CNTNAP2: variants seen among roughly 807,000 people sequenced by gnomAD.
The protein encoded by CNTNAP2 is contactin associated protein 2.
CNTNAP2 carries 98 observed loss-of-function variants against 155.2 expected under a neutral mutation model. The ratio of observed to expected loss-of-function variants is 0.63; its 90% CI spans 0.54 to 0.75. CNTNAP2 has a LOEUF of 0.75. Among genes scored for constraint, CNTNAP2 ranks in the 30% least tolerant of loss-of-function variants. The pLI is 0.00. For synonymous variants in CNTNAP2, 651 were observed against 631.2 expected (o/e 1.03, Z -0.47); for missense variants, 1,727 against 1,688.1 (o/e 1.02, Z -0.40).
chr7:146,227,199 G>A (rs1799307585), intron 1 of CNTNAP2, among the ~76,000 whole-genome samples: 1 of 152,044 alleles, frequency 6.6e-6, no homozygotes, highest in African/African-American at 2.4e-5. Flanking sequence ...GCCAAGGAGG[G>A]TGGATCACTT....
intron 13 of CNTNAP2, among the ~76,000 whole-genome samples, chr7:147,805,602 G>GT (rs907685636): frequency 5.3e-5 from 8 of 152,102 alleles, no homozygotes; most frequent in Non-Finnish European, 8.8e-5. Flanking sequence ...ATGTTCTTTT[G>GT]TACCCTATTG....
At chr7:148,129,467 G>T (rs757009139) in intron 16 of CNTNAP2, among the ~76,000 whole-genome samples, 2 of 152,104 alleles carry the variant, frequency 1.3e-5, no homozygotes, top group Non-Finnish European at 2.9e-5. Context: ...GGTAGAAATA[G>T]TCTTTATCTT....
intron 1 of CNTNAP2, among the ~76,000 whole-genome samples, chr7:146,497,900 T>C (rs1234635988): frequency 8.4e-6 from 1 of 119,176 alleles, no homozygotes; most frequent in Non-Finnish European, 1.7e-5. Flanking sequence ...TATATGTTTA[T>C]TCAAACATAT....
chr7:146,789,607 A>T (rs1802635617), intron 2 of CNTNAP2, among the ~76,000 whole-genome samples: 1 of 151,766 alleles, frequency 6.6e-6, no homozygotes, highest in Non-Finnish European at 1.5e-5. Context: ...GGCAAAAAAA[A>T]AAAAGACAAA....
chr7:147,585,401 T>C (rs1055646738), intron 12 of CNTNAP2, among the ~76,000 whole-genome samples: 3 of 149,830 alleles, frequency 2.0e-5, no homozygotes, highest in Non-Finnish European at 4.4e-5. Context: ...TTTATATGTA[T>C]ATTTGATATA....
At chr7:146,138,715 T>C (rs1302728362) in intron 1 of CNTNAP2, among the ~76,000 whole-genome samples, 4 of 152,046 alleles carry the variant, frequency 2.6e-5, no homozygotes, top group African/African-American at 4.8e-5. Flanking sequence ...ATTTAGTTGA[T>C]ATCATGGGGA....
At chr7:146,438,469 C>T (rs895539877) in intron 1 of CNTNAP2, among the ~76,000 whole-genome samples, 4 of 151,148 alleles carry the variant, frequency 2.6e-5, no homozygotes, top group Admixed American at 6.6e-5. Context: ...CTATCTTTGC[C>T]CAAATATTAC....
In CNTNAP2 at chr7:147,226,148, C is replaced by T. The variant is rs193117342; in HGVS notation, c.1349-73993C>T. ...AGCATGTTAAGTTGCAAAGCCCAAA[C>T]GGCCTTATCTGATAAGGTGTCATTA... On this transcript the variant is annotated intron_variant, in intron 8 of 23. Coordinates refer to ENST00000361727, the MANE Select transcript of CNTNAP2 (RefSeq NM_014141.6). Among the ~76,000 whole-genome samples, 13 of 152,246 alleles carry T rather than the reference C, an allele frequency of 8.5e-5. No individual in the cohort carries two copies. In the East Asian group the frequency reaches 1.2e-3, roughly 14 times the overall value.
intron 3 of CNTNAP2, among the ~76,000 whole-genome samples, chr7:146,897,204 C>T (rs969158175): frequency 6.6e-6 from 1 of 152,114 alleles, no homozygotes; most frequent in Non-Finnish European, 1.5e-5. Flanking sequence ...TGAGATACTA[C>T]TCAGTGTCTA....
At chr7:148,283,984 G>A (rs1371780101) in intron 21 of CNTNAP2, among the ~76,000 whole-genome samples, 3 of 152,226 alleles carry the variant, frequency 2.0e-5, no homozygotes, top group Non-Finnish European at 4.4e-5. Context: ...CAATGTTTTA[G>A]TATTCACTAA....
chr7:146,272,350 C>T (rs529200102), intron 1 of CNTNAP2, among the ~76,000 whole-genome samples: 3 of 152,108 alleles, frequency 2.0e-5, no homozygotes, highest in East Asian at 1.9e-4. Flanking sequence ...TCCAATGGCA[C>T]GTGGGGATTA....
At chr7:148,299,503 T>C (rs1169624017) in intron 21 of CNTNAP2, among the ~76,000 whole-genome samples, 5 of 152,190 alleles carry the variant, frequency 3.3e-5, no homozygotes, top group Admixed American at 6.5e-5. Context: ...GCACCTCCAA[T>C]GACCACGTGT....
intron 4 of CNTNAP2, among the ~76,000 whole-genome samples, chr7:147,045,478 C>G (rs890264786): frequency 6.6e-6 from 1 of 152,094 alleles, no homozygotes; most frequent in Non-Finnish European, 1.5e-5. Flanking sequence ...TCATGGAGGT[C>G]ATTTAAAAAT....
chr7:148,128,723 A>G (rs1804765876), intron 16 of CNTNAP2, among the ~76,000 whole-genome samples: 1 of 152,140 alleles, frequency 6.6e-6, no homozygotes, highest in Non-Finnish European at 1.5e-5. Flanking sequence ...TTTAGAGTTT[A>G]CTGGTCCACT....
chr7:146,253,449 TG>T (rs1403116035), intron 1 of CNTNAP2, among the ~76,000 whole-genome samples: 1 of 152,262 alleles, frequency 6.6e-6, no homozygotes, highest in African/African-American at 2.4e-5. Context: ...AAAATGTCTT[TG>T]CTATACATGC....
intron 9 of CNTNAP2, among the ~76,000 whole-genome samples, chr7:147,372,243 G>A (rs1796360103): frequency 6.6e-6 from 1 of 152,078 alleles, no homozygotes; most frequent in Non-Finnish European, 1.5e-5. Context: ...CCAGTTTTGG[G>A]ATGCTGACAA....
At chr7:147,191,292 A>T (rs1327889933) in intron 8 of CNTNAP2, among the ~76,000 whole-genome samples, 1 of 152,224 alleles carries the variant, frequency 6.6e-6, no homozygotes, top group Non-Finnish European at 1.5e-5. Context: ...ATGAAATGGA[A>T]TTCAGGGAGT....
chr7:146,945,834 C>A (rs1412751386), intron 3 of CNTNAP2, among the ~76,000 whole-genome samples: 2 of 152,192 alleles, frequency 1.3e-5, no homozygotes, highest in East Asian at 1.9e-4. Context: ...ATCTCCAAAG[C>A]CCCCACCATC....
chr7:146,352,030 T>A (rs1794922312), intron 1 of CNTNAP2, among the ~76,000 whole-genome samples: 1 of 152,176 alleles, frequency 6.6e-6, no homozygotes, highest in South Asian at 2.1e-4. Context: ...CTTCAAGGGT[T>A]AAGTACATTT....
Sources: allele counts gnomAD v4.1 joint callset (sites outside exome capture counted in the v4.1 genomes callset), GRCh38; gene constraint gnomAD v4.1.1; transcripts MANE v1.5; gene names NCBI Gene and HGNC (gene_info 2026-07-23, HGNC 2026-07-21).